MYZAP: variants seen among roughly 807,000 people sequenced by gnomAD.
MYZAP encodes myocardial zonula adherens protein, also known as GRINL1A complex locus upstream.
A neutral mutation model predicts 69.4 loss-of-function variants in MYZAP; 66 were observed. The observed-to-expected ratio is 0.95, with a 90% confidence interval of 0.78 to 1.17. The LOEUF is 1.17. Ranked by LOEUF, MYZAP falls within the 50% of genes most tolerant of loss-of-function variation. The pLI is 0.00. For synonymous variants in MYZAP, 256 were observed against 205.9 expected (o/e 1.24, Z -2.09); for missense variants, 611 against 556.2 (o/e 1.10, Z -0.99).
At chr15:57,668,894 A>ATATATATATATATAT (rs1252525814) in intron 11 of MYZAP, among the ~76,000 whole-genome samples, 3 of 62,608 alleles carry the variant, frequency 4.8e-5, no homozygotes, top group African/African-American at 7.9e-5. Context: ...ATATATATAT[A>ATATATATATATATAT]TTTTTTTTTT....
At chr15:57,660,651 A>G (rs1389680289) in intron 10 of MYZAP, among the ~76,000 whole-genome samples, 1 of 152,164 alleles carries the variant, frequency 6.6e-6, no homozygotes, top group Admixed American at 6.5e-5. Flanking sequence ...GTGAGCACAC[A>G]AATTTAATAT....
At chr15:57,642,792 G>C (rs1252971462) in intron 10 of MYZAP, among the ~76,000 whole-genome samples, 1 of 135,376 alleles carries the variant, frequency 7.4e-6, no homozygotes, top group Non-Finnish European at 1.6e-5. Flanking sequence ...ATAATAAAAA[G>C]TAACTGGCCC....
At chr15:57,608,388 G>C (rs1051424682) in intron 2 of MYZAP, among the ~76,000 whole-genome samples, 1 of 152,210 alleles carries the variant, frequency 6.6e-6, no homozygotes, top group Non-Finnish European at 1.5e-5. Context: ...TTCCACAAAG[G>C]TGTGTTTGGA....
chr15:57,593,190 A>ATGCGCGCGCGCGCGCGCGCACG (rs376306761), intron 1 of MYZAP, among the ~76,000 whole-genome samples: 1 of 108,256 alleles, frequency 9.2e-6, no homozygotes, highest in South Asian at 3.2e-4. Context: ...ACACAGGCGC[A>ATGCGCGCGCGCGCGCGCGCACG]CACACACACA....
chr15:57,627,826 G>C (rs981272988), intron 5 of MYZAP, among the ~76,000 whole-genome samples: 1 of 152,080 alleles, frequency 6.6e-6, no homozygotes, highest in Non-Finnish European at 1.5e-5. Context: ...GTGGATACAC[G>C]AGTAGAATCT....
intron 12 of MYZAP, among the ~76,000 whole-genome samples, chr15:57,676,085 G>A (rs2039098538): frequency 1.3e-5 from 2 of 152,108 alleles, no homozygotes; most frequent in Admixed American, 1.3e-4. Flanking sequence ...CCAGCAGCAG[G>A]ATGCCTTCAG....
intron 3 of MYZAP, among the ~76,000 whole-genome samples, chr15:57,619,344 T>A (rs1464442400): frequency 1.3e-5 from 2 of 152,242 alleles, no homozygotes; most frequent in Non-Finnish European, 2.9e-5. Context: ...AACATAATTT[T>A]AAAAATTTAT....
At chr15:57,652,395 C>T (rs114314804) in intron 10 of MYZAP, among the ~76,000 whole-genome samples, 5 of 152,156 alleles carry the variant, frequency 3.3e-5, no homozygotes, top group African/African-American at 1.2e-4. Flanking sequence ...TAAAAATAGG[C>T]TGAGCTTTTT....
intron 9 of MYZAP, among the ~76,000 whole-genome samples, chr15:57,638,048 GC>G (rs2036920294): frequency 6.6e-6 from 1 of 152,134 alleles, no homozygotes; most frequent in Non-Finnish European, 1.5e-5. Flanking sequence ...GTTCTCCATG[GC>G]CTTGAACTCC....
At chr15:57,651,251 TATTAC>T (rs1199696581) in intron 10 of MYZAP, among the ~76,000 whole-genome samples, 1 of 152,228 alleles carries the variant, frequency 6.6e-6, no homozygotes, top group African/African-American at 2.4e-5. Flanking sequence ...CATATATATG[TATTAC>T]ATGAATTTGA....
chr15:57,634,513 A>G (rs904600993), intron 8 of MYZAP, among the ~76,000 whole-genome samples: 16 of 152,210 alleles, frequency 1.1e-4, no homozygotes, highest in Non-Finnish European at 2.1e-4. Flanking sequence ...TCGGGATGCC[A>G]AGAATCTCCA....
chr15:57,682,645 A>G (rs780227731), intron 12 of MYZAP, among the ~76,000 whole-genome samples: 1 of 152,182 alleles, frequency 6.6e-6, no homozygotes, highest in Non-Finnish European at 1.5e-5. Flanking sequence ...AACCTGCTGT[A>G]GTTCCCTGTC....
In MYZAP at chr15:57,680,515, A is replaced by ACACACACG. The variant is rs796592403; in HGVS notation, c.1305-3885_1305-3884insCACACGCA. ...CACACACACACACACACACACACAC[A>ACACACACG]CAAATGTATGTGTGTATTTAAAGAC... is the stretch of plus-strand genomic sequence containing the variant. On this transcript the variant is annotated intron_variant, in intron 12 of 12. Coordinates refer to ENST00000267853, the MANE Select transcript of MYZAP (RefSeq NM_001018100.5). Among the ~76,000 whole-genome samples, 501 of 150,100 alleles carry ACACACACG rather than the reference A, an allele frequency of 3.3e-3. 25 individuals are homozygous for ACACACACG. The highest frequency in any genetic ancestry group is 0.012 in the African/African-American group (473 of 40,034).
rs1172761785 is a variant in MYZAP at position 57,593,214 on chromosome 15, A to ACACACC, written c.75+1106_75+1107insACACCC. Among the ~76,000 whole-genome samples the ACACACC allele has an allele frequency of 1.7e-3, 244 of 141,396 alleles. 2 individuals carry two copies. Among genetic ancestry groups the ACACACC allele is most frequent in the Admixed American group, 3.9e-3 (57 of 14,550 alleles). The allele number at this position is 141,396 out of a possible 152,430, so 92.8% of individuals were successfully genotyped here. Reference sequence around the variant, plus strand: ...CACACACACACACACACACACACACACCCCAGAATCCATCAGTTGGCTCAT... The same window carrying ACACACC: ...CACACACACACACACACACACACACACACACCCCCCAGAATCCATCAGTTGGCTCAT... On this transcript the variant is annotated intron_variant, in intron 1 of 12. Coordinates refer to ENST00000267853, the MANE Select transcript of MYZAP (RefSeq NM_001018100.5).
chr15:57,607,678 G>A (rs1184555262), intron 2 of MYZAP, among the ~76,000 whole-genome samples: 6 of 152,166 alleles, frequency 3.9e-5, no homozygotes, highest in African/African-American at 7.2e-5. Flanking sequence ...TGGACCAGGC[G>A]TGCAGTCTAA....
chr15:57,617,709 A>G (rs1223951532), intron 2 of MYZAP, among the ~76,000 whole-genome samples: 1 of 152,224 alleles, frequency 6.6e-6, no homozygotes, highest in Non-Finnish European at 1.5e-5. Flanking sequence ...TATTAAGAGC[A>G]TGAGGTTTCA....
At chr15:57,618,902 G>A (rs1269152078) in intron 3 of MYZAP, among the ~76,000 whole-genome samples, 3 of 152,136 alleles carry the variant, frequency 2.0e-5, no homozygotes, top group Non-Finnish European at 4.4e-5. Context: ...TGACACTGAT[G>A]GGCTCACATT....
At chr15:57,598,256 G>A (rs1181717658) in intron 1 of MYZAP, among the ~76,000 whole-genome samples, 2 of 152,132 alleles carry the variant, frequency 1.3e-5, no homozygotes, top group African/African-American at 4.8e-5. Flanking sequence ...CTCCCCAGGG[G>A]CCCTGAGTTG....
rs550084003 is a variant in MYZAP, at chr15:57,616,595, C to T, written c.163-1438C>T. Among the ~76,000 whole-genome samples, 18 of 152,068 alleles carry T rather than the reference C, an allele frequency of 1.2e-4. No homozygotes were observed. The South Asian group carries it at 2.3e-3, about 19-fold the overall frequency. ...AGGTTGCAGTGAGCCAAGATTGCGCCGCTGCTCTCCAACCTGGCGAGAGAG... is the reference window on the plus strand; with the variant it reads ...AGGTTGCAGTGAGCCAAGATTGCGCTGCTGCTCTCCAACCTGGCGAGAGAG... On this transcript the variant is annotated intron_variant, in intron 2 of 12. Transcript: ENST00000267853.
Sources: gnomAD v4.1 joint callset for allele counts (sites outside exome capture counted in the v4.1 genomes callset) on GRCh38, gnomAD v4.1.1 for gene constraint, MANE v1.5 for transcripts, NCBI Gene and HGNC (gene_info 2026-07-23, HGNC 2026-07-21) for gene names.